The following GNG2 variants were observed in gnomAD, a reference collection of about 807,000 sequenced individuals.
GNG2 encodes the protein G protein subunit gamma 2, also known as guanine nucleotide-binding protein G(I)/G(S)/G(O) subunit gamma-2.
Under a neutral mutation model 5.5 loss-of-function variants are expected in GNG2, and 5 were observed. The ratio of observed to expected loss-of-function variants is 0.91; its 90% CI spans 0.48 to 1.92. The LOEUF (loss-of-function observed/expected upper bound fraction) is 1.92. Among genes scored for constraint, GNG2 ranks in the 30% most tolerant of loss-of-function variants. GNG2 has a pLI of 0.01. For synonymous variants in GNG2, 28 were observed against 32.0 expected (o/e 0.88, Z 0.42); for missense variants, 55 against 88.4 (o/e 0.62, Z 1.52).
intron 2 of GNG2, among the ~76,000 whole-genome samples, chr14:51,920,589 T>C (rs1011050816): frequency 1.3e-5 from 2 of 152,080 alleles, no homozygotes; most frequent in Admixed American, 1.3e-4. Flanking sequence ...CAGAATGCCA[T>C]GAAACTATGA....
intron 2 of GNG2, among the ~76,000 whole-genome samples, chr14:51,934,214 C>T (rs1339741320): frequency 6.6e-6 from 1 of 152,108 alleles, no homozygotes; most frequent in Non-Finnish European, 1.5e-5. Context: ...AGGCAGTAAG[C>T]TCCGTAGATG....
intron 2 of GNG2, among the ~76,000 whole-genome samples, chr14:51,842,917 G>T (rs775905816): frequency 6.6e-6 from 1 of 152,002 alleles, no homozygotes; most frequent in African/African-American, 2.4e-5. Context: ...TGCCCGCCTC[G>T]GTTTCCAGAA....
At chr14:51,954,038 G>A (rs1386220527) in intron 3 of GNG2, among the ~76,000 whole-genome samples, 1 of 152,170 alleles carries the variant, frequency 6.6e-6, no homozygotes, top group Admixed American at 6.6e-5. Flanking sequence ...CCTTAAGCAG[G>A]CGGTGGCCTT....
intron 3 of GNG2, among the ~76,000 whole-genome samples, chr14:51,966,227 A>AAAAAAAAAAAAAAAAAAAC (rs1566720324): frequency 6.7e-6 from 1 of 148,842 alleles, no homozygotes; most frequent in African/African-American, 2.5e-5. Context: ...AAAAAAAAAA[A>AAAAAAAAAAAAAAAAAAAC]AAAAAAAAAA....
intron 2 of GNG2, among the ~76,000 whole-genome samples, chr14:51,941,622 C>G (rs1888322845): frequency 6.6e-6 from 1 of 152,220 alleles, no homozygotes; most frequent in South Asian, 2.1e-4. Context: ...AACCTACACA[C>G]TCTCCACCCA....
chr14:51,945,477 G>A (rs933751415), intron 2 of GNG2, among the ~76,000 whole-genome samples: 2 of 152,180 alleles, frequency 1.3e-5, no homozygotes, highest in Non-Finnish European at 2.9e-5. Flanking sequence ...GATACCTAAA[G>A]TAGTCAAATT....
chr14:51,933,945 C>T (rs1278871717), intron 2 of GNG2, among the ~76,000 whole-genome samples: 1 of 152,176 alleles, frequency 6.6e-6, no homozygotes, highest in African/African-American at 2.4e-5. Context: ...AGCTGGATAG[C>T]ACTGAGGATC....
intron 1 of GNG2, among the ~76,000 whole-genome samples, chr14:51,866,280 A>G (rs1882879673): frequency 6.6e-6 from 1 of 152,178 alleles, no homozygotes; most frequent in Non-Finnish European, 1.5e-5. Context: ...GATTCACTGC[A>G]TCTCCGCAGG....
chr14:51,877,693 A>C (rs1883767171), intron 2 of GNG2, 36 bp downstream of exon 2: 1 of 450,550 alleles, frequency 2.2e-6, no homozygotes, highest in African/African-American at 2.0e-5. Context: ...TAGAATCTTG[A>C]ATTTAACCAG....
At chr14:51,839,412 C>A (rs1280500005) in intron 2 of GNG2, among the ~76,000 whole-genome samples, 1 of 152,300 alleles carries the variant, frequency 6.6e-6, no homozygotes, top group East Asian at 1.9e-4. Flanking sequence ...TCTGTCTGCC[C>A]TTTGTCCTCA....
chr14:51,841,702 G>T, intron 2 of GNG2: 3 of 595,040 alleles, frequency 5.0e-6, no homozygotes, highest in East Asian at 2.8e-5. Flanking sequence ...AAATCACTTT[G>T]TAGGAAATAG....
chr14:51,869,291 A>T (rs1372803481), intron 1 of GNG2, among the ~76,000 whole-genome samples: 3 of 152,230 alleles, frequency 2.0e-5, no homozygotes, highest in Non-Finnish European at 4.4e-5. Context: ...CGTAAGCAAT[A>T]GGAAATTGAT....
chr14:51,858,447 T>G (rs1000975036), upstream of GNG2, among the ~76,000 whole-genome samples: 1 of 152,146 alleles, frequency 6.6e-6, no homozygotes, highest in Non-Finnish European at 1.5e-5. Flanking sequence ...CCTAGAGATT[T>G]TATTGTTTGA....
At chr14:51,838,306 T>C (rs1346159727) in intron 2 of GNG2, among the ~76,000 whole-genome samples, 1 of 152,022 alleles carries the variant, frequency 6.6e-6, no homozygotes, top group Non-Finnish European at 1.5e-5. Flanking sequence ...TAGCCAGGCG[T>C]GGTGGCGTGC....
chr14:51,956,567 C>T (rs745874879), intron 3 of GNG2, among the ~76,000 whole-genome samples: 13 of 152,144 alleles, frequency 8.5e-5, no homozygotes, highest in Non-Finnish European at 1.5e-4. Flanking sequence ...GATTGTTTTT[C>T]TATACACACT....
chr14:51,919,399 T>C (rs1337852295), intron 2 of GNG2, among the ~76,000 whole-genome samples: 1 of 152,252 alleles, frequency 6.6e-6, no homozygotes, highest in Non-Finnish European at 1.5e-5. Context: ...TCTTTAAACA[T>C]AGCTCTTTAC....
intron 2 of GNG2, among the ~76,000 whole-genome samples, chr14:51,849,681 A>G (rs149454890): frequency 1.1e-4 from 16 of 152,312 alleles, no homozygotes; most frequent in Non-Finnish European, 1.5e-4. Flanking sequence ...TTCCCTCACT[A>G]TCATGTAAAA....
At chr14:51,948,814 A>G (rs1888792049) in intron 2 of GNG2, among the ~76,000 whole-genome samples, 1 of 152,128 alleles carries the variant, frequency 6.6e-6, no homozygotes, top group Non-Finnish European at 1.5e-5. Flanking sequence ...ATTGTCTCCA[A>G]ACTCTTTGAA....
At chr14:51,947,598 C>G (rs561019560) in intron 2 of GNG2, among the ~76,000 whole-genome samples, 1 of 152,230 alleles carries the variant, frequency 6.6e-6, no homozygotes, top group African/African-American at 2.4e-5. Flanking sequence ...GGAACACAGC[C>G]CTGCTTGTAC....
Sources: gnomAD v4.1 joint callset for allele counts (sites outside exome capture counted in the v4.1 genomes callset) on GRCh38, gnomAD v4.1.1 for gene constraint, MANE v1.5 for transcripts, NCBI Gene and HGNC (gene_info 2026-07-23, HGNC 2026-07-21) for gene names.